Variants in CUX2 observed in about 807,000 individuals in gnomAD.
CUX2 encodes the protein homeobox protein cut-like 2.
Under a neutral mutation model 144.8 loss-of-function variants are expected in CUX2, and 40 were observed. The observed-to-expected ratio is 0.28, with a 90% CI of 0.21 to 0.36. The LOEUF (loss-of-function observed/expected upper bound fraction) is 0.36. Among genes scored for constraint, CUX2 ranks in the 10% least tolerant of loss-of-function variants. CUX2 has a pLI of 1.00. For synonymous variants in CUX2, 827 were observed against 875.6 expected (o/e 0.94, Z 0.98); for missense variants, 1,615 against 1,994.0 (o/e 0.81, Z 3.62).
At chr12:111,147,798 G>A (rs1454186443) in intron 1 of CUX2, among the ~76,000 whole-genome samples, 3 of 152,178 alleles carry the variant, frequency 2.0e-5, no homozygotes, top group Non-Finnish European at 4.4e-5. Context: ...AAAAGCCCAG[G>A]TAGGCATGCC....
rs570850012 is a variant in CUX2, at chr12:111,091,827, T to A, written c.63+57587T>A. ...TGGTATTCCCTGGCTTGTGGCCGCA[T>A]CACTAGGATCTTGCCTCCATCACCA... On this transcript the variant is annotated intron_variant, in intron 1 of 21. Transcript: ENST00000261726. Among the ~76,000 whole-genome samples the A allele has an allele frequency of 3.9e-5, 6 of 152,310 alleles. No homozygotes were observed. The South Asian group carries it at 1.2e-3, about 32-fold the overall frequency.
intron 4 of CUX2, among the ~76,000 whole-genome samples, chr12:111,270,822 G>T (rs113559123): frequency 6.6e-6 from 1 of 152,028 alleles, no homozygotes; most frequent in Admixed American, 6.6e-5. Flanking sequence ...CCTTCTCTTG[G>T]GGGGGAGGCT....
In CUX2 at chr12:111,320,284, C is replaced by T. The variant is rs568350611; in HGVS notation, c.2275C>T (p.Leu759Phe). 2 of 1,596,550 alleles carry T rather than the reference C, an allele frequency of 1.3e-6. No individual in the cohort carries two copies. The highest frequency in any genetic ancestry group is 2.7e-5 in the African/African-American group (2 of 74,826). Reference protein sequence around the residue: ...EGSGGPAQAPLPVLSPAAFVQ... With the variant: ...EGSGGPAQAPFPVLSPAAFVQ... Reference sequence around the variant, plus strand: ...CAGCGGGGGCCCCGCGCAGGCGCCGCTCCCGGTCCTGTCCCCCGCCGCCTT... The same window carrying T: ...CAGCGGGGGCCCCGCGCAGGCGCCGTTCCCGGTCCTGTCCCCCGCCGCCTT... Residue 759 changes from leucine to phenylalanine, a missense_variant, in exon 17 of 22, where the codon CTC becomes TTC. Leu to Phe is a conservative substitution (Grantham distance 22). Around this residue, in one of 12 missense-constraint regions of CUX2, gnomAD observed 390 missense variants for 387.1 expected, o/e 1.01. Coordinates refer to ENST00000261726, the MANE Select transcript of CUX2 (RefSeq NM_015267.4). The surrounding 1 kb of genome is among the most constrained non-coding windows in gnomAD (Gnocchi z 8.1).
At chr12:111,048,977 C>T (rs1351005527) in intron 1 of CUX2, among the ~76,000 whole-genome samples, 1 of 152,144 alleles carries the variant, frequency 6.6e-6, no homozygotes, top group Non-Finnish European at 1.5e-5. Flanking sequence ...CCACCACCCA[C>T]CCAACATTGT....
At chr12:111,053,686 G>A (rs1373671057) in intron 1 of CUX2, among the ~76,000 whole-genome samples, 2 of 152,136 alleles carry the variant, frequency 1.3e-5, no homozygotes, top group African/African-American at 4.8e-5. Flanking sequence ...CTTCTTTTAG[G>A]TCTCACTTGG....
intron 1 of CUX2, among the ~76,000 whole-genome samples, chr12:111,122,294 T>C (rs1874741042): frequency 6.6e-6 from 1 of 152,236 alleles, no homozygotes; most frequent in South Asian, 2.1e-4. Context: ...TAAGACTCTT[T>C]ACAAGTAGTT....
chr12:111,057,702 G>A lies in CUX2; in HGVS notation c.63+23462G>A, dbSNP rs78784799. Among the ~76,000 whole-genome samples, 1,964 of 152,210 alleles carry A rather than the reference G, an allele frequency of 0.013. 15 individuals are homozygous for A. The highest frequency in any genetic ancestry group is 0.022 in the Non-Finnish European group (1,493 of 68,024). On this transcript the variant is annotated intron_variant, in intron 1 of 21. Coordinates refer to ENST00000261726, the MANE Select transcript of CUX2 (RefSeq NM_015267.4). The surrounding 1 kb of genome is among the most constrained non-coding windows in gnomAD (Gnocchi z 5.1). ...ACAGCCTGGAAGCACTCCAACTACC[G>A]TACTTTTCTTCAAATAAAAGCAGCT... is the stretch of plus-strand genomic sequence containing the variant.
At chr12:111,224,516 CTTTTT>C (rs34109440) in intron 3 of CUX2, among the ~76,000 whole-genome samples, 1 of 77,216 alleles carries the variant, frequency 1.3e-5, no homozygotes, top group African/African-American at 4.9e-5. Flanking sequence ...AATTACAGGG[CTTTTT>C]TTTTTTTTTT....
Position 111,077,510 on chromosome 12 carries a change from A to C in CUX2, c.63+43270A>C, listed in dbSNP as rs546193706. Among the ~76,000 whole-genome samples the C allele has an allele frequency of 3.1e-4, 47 of 152,190 alleles. No homozygotes were observed. Among genetic ancestry groups the C allele is most frequent in the Middle Eastern group, 3.2e-3 (1 of 316 alleles). On this transcript the variant is annotated intron_variant, in intron 1 of 21. Coordinates refer to ENST00000261726, the MANE Select transcript of CUX2 (RefSeq NM_015267.4). The surrounding 1 kb of genome is among the most constrained non-coding windows in gnomAD (Gnocchi z 4.1). ...TTTACGGTCCCTCGGAGCGGCGAGG[A>C]GCAGGTCACTGGAGTTCATGGGTTA...
intron 19 of CUX2, among the ~76,000 whole-genome samples, chr12:111,337,736 A>G (rs889256449): frequency 1.3e-5 from 2 of 152,340 alleles, no homozygotes. Flanking sequence ...AACCTCTTAA[A>G]TTAAAAAAGC....
In CUX2 at chr12:111,171,330, A is replaced by G. The variant is rs1379395254; in HGVS notation, c.64-42870A>G. On this transcript the variant is annotated intron_variant, in intron 1 of 21. Coordinates refer to ENST00000261726, the MANE Select transcript of CUX2 (RefSeq NM_015267.4). The surrounding 1 kb of genome is among the most constrained non-coding windows in gnomAD (Gnocchi z 5.0). ...AGTGAACACCTGAGCCCCTTAGTGC[A>G]TTGTGCAGCCTGCTGAGAGCACCAA... Among the ~76,000 whole-genome samples the G allele has an allele frequency of 6.6e-6, 1 of 152,144 alleles. No individual in the cohort carries two copies. Among genetic ancestry groups the G allele is most frequent in the Non-Finnish European group, 1.5e-5 (1 of 68,026 alleles).
intron 1 of CUX2, among the ~76,000 whole-genome samples, chr12:111,152,264 G>A (rs981776153): frequency 3.9e-5 from 6 of 152,036 alleles, no homozygotes; most frequent in Non-Finnish European, 7.4e-5. Context: ...CAGCCTGGGC[G>A]ACAGAGCAAG....
intron 16 of CUX2, among the ~76,000 whole-genome samples, chr12:111,314,613 C>G (rs899325656): frequency 7.1e-6 from 1 of 141,282 alleles, no homozygotes; most frequent in African/African-American, 2.6e-5. Context: ...ACACTCCAGC[C>G]TGCGCAACAA....
rs529180672 is a variant in CUX2, at chr12:111,193,614, A to G, written c.64-20586A>G. Among the ~76,000 whole-genome samples the G allele has an allele frequency of 2.6e-5, 4 of 152,332 alleles. No homozygotes were observed. In the South Asian group the frequency reaches 8.3e-4, roughly 32 times the overall value. Reference sequence around the variant, plus strand: ...ATCTGCTGGATAAAGACGGATGGAAATGGTAATGAGTGTTCTGCTGTGAAC... The same window carrying G: ...ATCTGCTGGATAAAGACGGATGGAAGTGGTAATGAGTGTTCTGCTGTGAAC... On this transcript the variant is annotated intron_variant, in intron 1 of 21. Transcript: ENST00000261726.
intron 21 of CUX2, among the ~76,000 whole-genome samples, chr12:111,346,475 CAAAA>C (rs1012828428): frequency 2.3e-5 from 2 of 87,528 alleles, no homozygotes; most frequent in African/African-American, 4.3e-5. Flanking sequence ...GACTCCATCT[CAAAA>C]AAAAAAAAAA....
At chr12:111,064,199 G>T (rs1870926642) in intron 1 of CUX2, among the ~76,000 whole-genome samples, 1 of 152,152 alleles carries the variant, frequency 6.6e-6, no homozygotes, top group Non-Finnish European at 1.5e-5. Flanking sequence ...CAGAATCAGA[G>T]AGCTGGTTAC....
chr12:111,060,829 G>T (rs80021752), intron 1 of CUX2, among the ~76,000 whole-genome samples: 2,655 of 152,316 alleles, frequency 0.017, 91 homozygotes, highest in African/African-American at 0.061. Context: ...GTTAGGCCAT[G>T]GTGGTCACCC....
chr12:111,291,300 T>A, intron 4 of CUX2, 118 bp from the exon 5 acceptor site: 4 of 1,290,982 alleles, frequency 3.1e-6, no homozygotes, highest in Middle Eastern at 2.8e-4. Flanking sequence ...TGCTACTTCC[T>A]GTAAGCCAGC....
chr12:111,129,123 G>T (rs1210419675), intron 1 of CUX2, among the ~76,000 whole-genome samples: 1 of 152,228 alleles, frequency 6.6e-6, no homozygotes, highest in Non-Finnish European at 1.5e-5. Flanking sequence ...TGGAGCCCTA[G>T]ATATTTCACT....
Sources: gnomAD v4.1 joint callset for allele counts (sites outside exome capture counted in the v4.1 genomes callset) on GRCh38, gnomAD v4.1.1 for gene constraint, gnomAD v4.1.1 regional missense constraint, Gnocchi (gnomAD v3.1) non-coding constraint, MANE v1.5 for transcripts, NCBI Gene and HGNC (gene_info 2026-07-23, HGNC 2026-07-21) for gene names.